The following FCHO2 variants were observed in gnomAD, a reference collection of about 807,000 sequenced individuals.
FCHO2 encodes FCH and mu domain containing endocytic adaptor 2.
A neutral mutation model predicts 114.1 loss-of-function variants in FCHO2; 43 were observed. The observed-to-expected ratio is 0.38, with a 90% CI of 0.30 to 0.49. The LOEUF is 0.49. Among genes scored for constraint, FCHO2 ranks in the 20% least tolerant of loss-of-function variants. FCHO2 has a pLI of 0.97. For missense variants in FCHO2, 807 were observed against 950.4 expected (o/e 0.85, Z 1.98); for synonymous variants, 293 against 315.2 (o/e 0.93, Z 0.75).
chr5:73,007,464 A>G (rs1483052483), intron 6 of FCHO2, among the ~76,000 whole-genome samples: 1 of 152,214 alleles, frequency 6.6e-6, no homozygotes, highest in Non-Finnish European at 1.5e-5. Flanking sequence ...TTACTGCTAT[A>G]TCCTCAGCTT....
Position 73,052,526 on chromosome 5 carries a change from G to T in FCHO2, c.1173+19G>T, listed in dbSNP as rs1757389201. On this transcript the variant is annotated intron_variant, in intron 13 of 25. Coordinates refer to ENST00000430046, the MANE Select transcript of FCHO2 (RefSeq NM_138782.3). ...AATATCTGTAAGTACAAACACGTTT[G>T]TACTCTTTATATAAAAGTCTTTATT... 1 of 1,551,696 alleles carries T rather than the reference G, an allele frequency of 6.4e-7. No individual in the cohort carries two copies. The highest frequency in any genetic ancestry group is 1.4e-5 in the African/African-American group (1 of 72,520).
intron 13 of FCHO2, among the ~76,000 whole-genome samples, chr5:73,053,219 CAT>C (rs1757415257): frequency 6.6e-6 from 1 of 152,134 alleles, no homozygotes; most frequent in African/African-American, 2.4e-5. Flanking sequence ...TGTCTAATTA[CAT>C]ATTTTATGTA....
chr5:72,962,388 C>A (rs1452055633), intron 1 of FCHO2, among the ~76,000 whole-genome samples: 1 of 152,192 alleles, frequency 6.6e-6, no homozygotes, highest in Non-Finnish European at 1.5e-5. Context: ...TGCTTTAAAT[C>A]ATCCTGCACA....
chr5:73,046,590 T>C (rs1757072022), intron 11 of FCHO2, among the ~76,000 whole-genome samples: 1 of 152,186 alleles, frequency 6.6e-6, no homozygotes, highest in South Asian at 2.1e-4. Context: ...GTTTTTAGGG[T>C]ACTTGGAATG....
At chr5:72,972,736 A>G (rs980302075) in intron 2 of FCHO2, among the ~76,000 whole-genome samples, 6 of 152,054 alleles carry the variant, frequency 3.9e-5, no homozygotes, top group Non-Finnish European at 5.9e-5. Flanking sequence ...TTCCAACACT[A>G]TGTTGACTAG....
intron 11 of FCHO2, among the ~76,000 whole-genome samples, chr5:73,044,777 TA>T (rs1756977664): frequency 6.6e-6 from 1 of 152,078 alleles, no homozygotes; most frequent in Admixed American, 6.6e-5. Context: ...TCCATTCTGG[TA>T]TATATTTTTT....
chr5:73,075,097 G>A lies in FCHO2; in HGVS notation c.1691+244G>A, dbSNP rs554955330. 1.2e-4 allele frequency among the ~76,000 whole-genome samples: 18 copies of A among 152,134 alleles called. No individual in the cohort carries two copies. In the South Asian group the frequency reaches 3.5e-3, roughly 30 times the overall value. On this transcript the variant is annotated intron_variant, in intron 20 of 25. Coordinates refer to ENST00000430046, the MANE Select transcript of FCHO2 (RefSeq NM_138782.3). ...AAGACTCTGTTACATGTGCACTGAG[G>A]ATACTTTAGTAAACAAAAGAGTTCT...
chr5:73,026,047 G>A (rs886695130), intron 8 of FCHO2, among the ~76,000 whole-genome samples: 6 of 152,182 alleles, frequency 3.9e-5, no homozygotes, highest in Admixed American at 3.3e-4. Context: ...TGTAATCCCA[G>A]CACTTTCGGA....
intron 9 of FCHO2, among the ~76,000 whole-genome samples, chr5:73,036,240 GAT>G (rs1756499759): frequency 6.6e-6 from 1 of 152,122 alleles, no homozygotes; most frequent in Non-Finnish European, 1.5e-5. Context: ...GAAAATCAAA[GAT>G]AATTTTTACT....
In FCHO2 at chr5:73,037,255, A is replaced by T. The variant is rs185691118; in HGVS notation, c.914+40A>T. ...TATCGTCAAAATCCTTTTTGTTTTT[A>T]TAAGTGATTAAGAATAAGACTTTTG... On this transcript the variant is annotated intron_variant, in intron 10 of 25. Coordinates refer to ENST00000430046, the MANE Select transcript of FCHO2 (RefSeq NM_138782.3). 6 of 1,440,824 alleles carry T rather than the reference A, an allele frequency of 4.2e-6. No individual in the cohort carries two copies. The African/African-American group carries it at 5.8e-5, about 14-fold the overall frequency. The allele number at this position is 1,440,824 out of a possible 1,614,324, so 89.3% of individuals were successfully genotyped here. A position where few individuals can be genotyped will look rare whatever the true frequency, so the allele number is the denominator to read the frequency against.
chr5:73,017,305 CCT>C lies in FCHO2; in HGVS notation c.794_795del (p.Pro265ArgfsTer4). On this transcript the variant is annotated frameshift_variant and splice_region_variant, in exon 8 of 26. Coordinates refer to ENST00000430046, the MANE Select transcript of FCHO2 (RefSeq NM_138782.3). LOFTEE classifies it high-confidence loss of function. ...AESKGTGKER[P>X]GLIEFEECDT... ...GTCAAAAGGCACTGGGAAGGAAAGA[CCT>C]GGTAAGATGATAAACTCTGCAAGGA... is the stretch of plus-strand genomic sequence containing the variant. 6.5e-7 allele frequency: 1 copy of C among 1,544,820 alleles called. No individual in the cohort carries two copies. Among genetic ancestry groups the C allele is most frequent in the Non-Finnish European group, 8.8e-7 (1 of 1,141,674 alleles).
intron 20 of FCHO2, 124 bp downstream of exon 20, chr5:73,074,977 T>C: frequency 1.4e-6 from 1 of 723,860 alleles, no homozygotes. Flanking sequence ...TTTTCTGTTG[T>C]TTATTTACCT....
intron 15 of FCHO2, 123 bp downstream of exon 15, chr5:73,054,672 C>A: frequency 1.6e-6 from 1 of 636,696 alleles, no homozygotes; most frequent in Non-Finnish European, 2.6e-6. Context: ...TACTGCGTGG[C>A]TAGAAGGATA....
chr5:72,998,441 C>T (rs760181296), intron 5 of FCHO2, among the ~76,000 whole-genome samples: 7 of 151,562 alleles, frequency 4.6e-5, no homozygotes, highest in Non-Finnish European at 8.8e-5. Flanking sequence ...GAGCCGAGAT[C>T]GAGCCACTGC....
intron 5 of FCHO2, among the ~76,000 whole-genome samples, chr5:72,994,512 A>G (rs777835349): frequency 3.9e-5 from 6 of 152,200 alleles, no homozygotes; most frequent in Non-Finnish European, 7.3e-5. Context: ...AGAAAAGGGA[A>G]TGCTTATACA....
intron 5 of FCHO2, chr5:72,996,869 G>T: frequency 7.1e-7 from 1 of 1,401,362 alleles, no homozygotes; most frequent in Admixed American, 2.0e-5. Flanking sequence ...TGCCACGGGG[G>T]CCCCCGGGGC....
intron 2 of FCHO2, among the ~76,000 whole-genome samples, chr5:72,987,166 G>C (rs759358606): frequency 1.3e-5 from 2 of 151,864 alleles, no homozygotes; most frequent in Non-Finnish European, 2.9e-5. Flanking sequence ...GTGAGCCACC[G>C]TGCCCGGCCT....
At chr5:72,996,652 T>C (rs1193085537) in intron 5 of FCHO2, among the ~76,000 whole-genome samples, 1 of 151,144 alleles carries the variant, frequency 6.6e-6, no homozygotes, top group African/African-American at 2.4e-5. Context: ...GCCCGCAACT[T>C]CCCCGAAGCT....
chr5:73,082,260 CTTT>C (rs11427541), intron 23 of FCHO2, among the ~76,000 whole-genome samples: 1 of 140,352 alleles, frequency 7.1e-6, no homozygotes, highest in Admixed American at 7.2e-5. Flanking sequence ...CTCTAAACTT[CTTT>C]TTTTTTTTTT....
Sources: gnomAD v4.1 joint callset for allele counts (sites outside exome capture counted in the v4.1 genomes callset) on GRCh38, gnomAD v4.1.1 for gene constraint, MANE v1.5 for transcripts, NCBI Gene and HGNC (gene_info 2026-07-23, HGNC 2026-07-21) for gene names.